The following NALF1 variants were observed in gnomAD, a reference collection of about 807,000 sequenced individuals.
The protein encoded by NALF1 is family with sequence similarity 155 member A.
In NALF1, 3 loss-of-function variants were observed where a neutral mutation model predicts 48.4. That is an observed-to-expected ratio of 0.06 (90% CI 0.03 to 0.16). The LOEUF (loss-of-function observed/expected upper bound fraction) is 0.16. Among genes scored for constraint, NALF1 ranks in the 10% least tolerant of loss-of-function variants. The probability of loss-of-function intolerance (pLI) is 1.00; values close to 1 mark genes in which losing one functional copy is unlikely to be tolerated. For missense variants in NALF1, 526 were observed against 571.5 expected, an observed-to-expected ratio of 0.92 and a Z score of 0.81; for synonymous variants, 262 against 245.7, an observed-to-expected ratio of 1.07 and a Z score of -0.62.
At chr13:107,665,888 A>T (rs571118149) in intron 1 of NALF1, among the ~76,000 whole-genome samples, 14 of 152,302 alleles carry the variant, frequency 9.2e-5, no homozygotes, top group African/African-American at 3.4e-4. Context: ...CATTTAGTCC[A>T]TATCTAAAGA....
chr13:107,409,832 A>G (rs1028557639), intron 1 of NALF1, among the ~76,000 whole-genome samples: 1 of 152,172 alleles, frequency 6.6e-6, no homozygotes. Flanking sequence ...GACACCATAC[A>G]GCTAGACTAG....
chr13:107,818,277 T>C (rs1879235212), intron 1 of NALF1, among the ~76,000 whole-genome samples: 1 of 152,152 alleles, frequency 6.6e-6, no homozygotes, highest in African/African-American at 2.4e-5. Context: ...TCTTCCTTTT[T>C]AAGGGATTGG....
chr13:107,621,296 T>C (rs1223816121), intron 1 of NALF1, among the ~76,000 whole-genome samples: 1 of 152,222 alleles, frequency 6.6e-6, no homozygotes, highest in East Asian at 1.9e-4. Flanking sequence ...CTAGTATTAA[T>C]ATTACTTCAG....
intron 1 of NALF1, among the ~76,000 whole-genome samples, chr13:107,673,772 T>C (rs879606173): frequency 6.6e-6 from 1 of 152,112 alleles, no homozygotes; most frequent in African/African-American, 2.4e-5. Flanking sequence ...TATCAAAACA[T>C]CACTAGGTAC....
At chr13:107,773,885 A>T (rs1284996472) in intron 1 of NALF1, among the ~76,000 whole-genome samples, 1 of 152,120 alleles carries the variant, frequency 6.6e-6, no homozygotes, top group East Asian at 1.9e-4. Flanking sequence ...TAATAATAAT[A>T]AAAAAATAAA....
chr13:107,252,971 T>C (rs2138846180), intron 1 of NALF1, among the ~76,000 whole-genome samples: 1 of 152,320 alleles, frequency 6.6e-6, no homozygotes, highest in Middle Eastern at 3.4e-3. Context: ...GTTGTCCTTG[T>C]CAAACTTAAT....
At chr13:107,230,118 T>G (rs143537184) in intron 1 of NALF1, among the ~76,000 whole-genome samples, 1 of 152,308 alleles carries the variant, frequency 6.6e-6, no homozygotes, top group Non-Finnish European at 1.5e-5. Flanking sequence ...CCTCTCTTTA[T>G]GGATAGAAAC....
At chr13:107,201,018 C>T (rs879557001) in intron 2 of NALF1, among the ~76,000 whole-genome samples, 4 of 152,080 alleles carry the variant, frequency 2.6e-5, no homozygotes, top group African/African-American at 4.8e-5. Context: ...TTTACCACAT[C>T]GGCAGACACG....
chr13:107,769,935 CGGAG>C (rs1877530910), intron 1 of NALF1, among the ~76,000 whole-genome samples: 1 of 151,902 alleles, frequency 6.6e-6, no homozygotes, highest in Non-Finnish European at 1.5e-5. Context: ...TTTGTTGAGA[CGGAG>C]TCTCGCTCTG....
chr13:107,287,407 C>G (rs1289129911), intron 1 of NALF1, among the ~76,000 whole-genome samples: 1 of 152,184 alleles, frequency 6.6e-6, no homozygotes, highest in South Asian at 2.1e-4. Flanking sequence ...ATGCACATGA[C>G]AAGCTGGTGG....
intron 1 of NALF1, among the ~76,000 whole-genome samples, chr13:107,688,724 G>A (rs566400813): frequency 1.3e-5 from 2 of 152,238 alleles, no homozygotes; most frequent in South Asian, 2.1e-4. Context: ...GGTTCATGTC[G>A]AAGCAGTCCT....
intron 2 of NALF1, among the ~76,000 whole-genome samples, chr13:107,192,989 G>GA (rs943321217): frequency 2.0e-5 from 3 of 151,988 alleles, no homozygotes; most frequent in African/African-American, 4.8e-5. Context: ...AAATAAAAAA[G>GA]AAAAAATCCT....
In NALF1 at chr13:107,228,186, T is replaced by A. The variant is rs184371526; in HGVS notation, c.916-17431A>T. ...ATCTCTTATAGGCTATTTGGAAAAATATACAATGAAAGGTAATGAAGCAGC... is the reference window on the plus strand; with the variant it reads ...ATCTCTTATAGGCTATTTGGAAAAAAATACAATGAAAGGTAATGAAGCAGC... On this transcript the variant is annotated intron_variant, in intron 1 of 2. Transcript: ENST00000375915. Among the ~76,000 whole-genome samples, 365 of 152,228 alleles carry A rather than the reference T, an allele frequency of 2.4e-3. 1 individual carries two copies. Among genetic ancestry groups the A allele is most frequent in the Non-Finnish European group, 4.2e-3 (284 of 68,000 alleles).
chr13:107,396,725 G>C (rs1181680717), intron 1 of NALF1, among the ~76,000 whole-genome samples: 1 of 152,184 alleles, frequency 6.6e-6, no homozygotes, highest in Non-Finnish European at 1.5e-5. Context: ...TTGAGTTATA[G>C]CTTATCAGGA....
At chr13:107,679,656 G>A (rs755880439) in intron 1 of NALF1, among the ~76,000 whole-genome samples, 3 of 152,162 alleles carry the variant, frequency 2.0e-5, no homozygotes, top group East Asian at 1.9e-4. Context: ...AGTCCAGAAT[G>A]CCCCTCATCC....
intron 1 of NALF1, among the ~76,000 whole-genome samples, chr13:107,514,433 C>CTATG (rs1183497402): frequency 7.2e-6 from 1 of 139,140 alleles, no homozygotes; most frequent in Non-Finnish European, 1.5e-5. Flanking sequence ...ATCTATCTAT[C>CTATG]TATCTATCTA....
At chr13:107,419,407 C>A (rs897538459) in intron 1 of NALF1, among the ~76,000 whole-genome samples, 1 of 152,168 alleles carries the variant, frequency 6.6e-6, no homozygotes, top group Non-Finnish European at 1.5e-5. Context: ...CGCTGTAAAG[C>A]TAATCCTGTC....
At chr13:107,479,892 C>T (rs1468203282) in intron 1 of NALF1, among the ~76,000 whole-genome samples, 1 of 151,884 alleles carries the variant, frequency 6.6e-6, no homozygotes, top group Non-Finnish European at 1.5e-5. Flanking sequence ...TTTTGAAAGT[C>T]ACACACAGTT....
chr13:107,324,276 C>T (rs894322365), intron 1 of NALF1, among the ~76,000 whole-genome samples: 1 of 152,122 alleles, frequency 6.6e-6, no homozygotes, highest in Non-Finnish European at 1.5e-5. Context: ...TTTCAAAAGG[C>T]CTATCATTTT....
Sources: allele counts gnomAD v4.1 joint callset (sites outside exome capture counted in the v4.1 genomes callset), GRCh38; gene constraint gnomAD v4.1.1; transcripts MANE v1.5; gene names NCBI Gene and HGNC (gene_info 2026-07-23, HGNC 2026-07-21).